Variants in AGBL1 observed in about 807,000 individuals in gnomAD.
AGBL1 encodes the protein AGBL carboxypeptidase 1.
Under a neutral mutation model 118.9 loss-of-function variants are expected in AGBL1, and 130 were observed. That is an observed-to-expected ratio of 1.09 (90% confidence interval 0.95 to 1.26). AGBL1 has a LOEUF of 1.26. Among genes scored for constraint, AGBL1 ranks in the 50% most tolerant of loss-of-function variants. The pLI is 0.00. For missense variants in AGBL1, 1,584 were observed against 1,298.1 expected (o/e 1.22, Z -3.38); for synonymous variants, 555 against 478.9 (o/e 1.16, Z -2.08).
intron 22 of AGBL1, among the ~76,000 whole-genome samples, chr15:86,764,852 A>C (rs1324761295): frequency 6.6e-6 from 1 of 152,046 alleles, no homozygotes; most frequent in Non-Finnish European, 1.5e-5. Flanking sequence ...GTGAATGTAG[A>C]TTATACAGAA....
intron 18 of AGBL1, among the ~76,000 whole-genome samples, chr15:86,410,638 T>C (rs1206669606): frequency 6.6e-6 from 1 of 150,728 alleles, no homozygotes; most frequent in East Asian, 2.0e-4. Flanking sequence ...TTCTGATGCC[T>C]AAATTTCAGT....
chr15:86,800,733 G>A (rs1222104881), intron 22 of AGBL1, among the ~76,000 whole-genome samples: 1 of 152,108 alleles, frequency 6.6e-6, no homozygotes, highest in African/African-American at 2.4e-5. Context: ...ACAGTTTTGG[G>A]ATGCTGTATA....
At position 86,256,857 on chromosome 15, in the gene AGBL1, G is replaced by T. The variant is rs758282474; in HGVS notation, c.740G>T (p.Cys247Phe). 10 of 1,613,772 alleles carry T rather than the reference G, an allele frequency of 6.2e-6. No homozygotes were observed. In the East Asian group the frequency reaches 2.2e-4, roughly 36 times the overall value. Residue 247 changes from cysteine to phenylalanine, a missense_variant, in exon 8 of 23, where the codon TGC becomes TTC. Cys to Phe is a radical substitution (Grantham distance 205). Coordinates refer to ENST00000614907, the MANE Select transcript of AGBL1 (RefSeq NM_001386094.1). ...MEILFSTTQN[C>F]LDDKSMEPVI... is the part of the protein sequence containing the mutation. ...TATAATCTTCCCTTTGCTCAGAACT[G>T]CCTGGATGACAAGAGCATGGAGCCC...
chr15:86,312,445 C>G (rs1420857071), intron 17 of AGBL1: 1 of 152,170 alleles, frequency 6.6e-6, no homozygotes, highest in Non-Finnish European at 1.5e-5. Context: ...TTAACTGCCC[C>G]AAATGTGATA....
intron 22 of AGBL1, among the ~76,000 whole-genome samples, chr15:86,870,526 C>A (rs2079711841): frequency 7.0e-6 from 1 of 143,096 alleles, no homozygotes; most frequent in Admixed American, 7.1e-5. Context: ...AAGCCCTTTC[C>A]CTTTGGCATT....
intron 22 of AGBL1, among the ~76,000 whole-genome samples, chr15:86,780,786 C>G (rs1284356984): frequency 6.6e-6 from 1 of 151,694 alleles, no homozygotes; most frequent in African/African-American, 2.4e-5. Context: ...GCCTCAGTCT[C>G]AATCCCGAGT....
At chr15:86,545,519 A>G (rs947394158) in intron 19 of AGBL1, among the ~76,000 whole-genome samples, 1 of 152,000 alleles carries the variant, frequency 6.6e-6, no homozygotes, top group Admixed American at 6.6e-5. Context: ...CCTAGTACCC[A>G]TTAGTTATTT....
At chr15:86,136,802 C>G (rs2141627032) in intron 1 of AGBL1, among the ~76,000 whole-genome samples, 1 of 152,222 alleles carries the variant, frequency 6.6e-6, no homozygotes, top group South Asian at 2.1e-4. Context: ...AACAGGGACA[C>G]ATAGAAGATT....
intron 22 of AGBL1, among the ~76,000 whole-genome samples, chr15:86,812,035 CT>C (rs2078797435): frequency 6.6e-6 from 1 of 152,178 alleles, no homozygotes; most frequent in African/African-American, 2.4e-5. Flanking sequence ...CTTTAAAATA[CT>C]GTCAGATTAA....
At chr15:87,001,827 GT>G (rs1596727020) in intron 24 of AGBL1, among the ~76,000 whole-genome samples, 3 of 152,044 alleles carry the variant, frequency 2.0e-5, no homozygotes, top group African/African-American at 7.2e-5. Flanking sequence ...TGATGGGGTT[GT>G]TTTTTTCTTG....
chr15:87,017,454 T>G (rs2081618095), intron 24 of AGBL1, among the ~76,000 whole-genome samples: 1 of 152,054 alleles, frequency 6.6e-6, no homozygotes, highest in East Asian at 1.9e-4. Context: ...TTTGCTGTTT[T>G]GCAGCCTTCA....
chr15:86,678,125 T>C (rs1237292986), intron 22 of AGBL1, among the ~76,000 whole-genome samples: 1 of 152,192 alleles, frequency 6.6e-6, no homozygotes, highest in Non-Finnish European at 1.5e-5. Context: ...GTTATTTTTG[T>C]GGTGGGAACA....
chr15:86,310,432 C>T (rs1043066778), intron 17 of AGBL1, among the ~76,000 whole-genome samples: 1 of 151,996 alleles, frequency 6.6e-6, no homozygotes, highest in Non-Finnish European at 1.5e-5. Flanking sequence ...AGGCAGGCTT[C>T]CTGTTGGAGT....
chr15:86,397,681 A>C (rs2081389022), intron 18 of AGBL1, 135 bp downstream of exon 18: 2 of 781,124 alleles, frequency 2.6e-6, no homozygotes, highest in East Asian at 5.1e-5. Context: ...GTTTTCTGCT[A>C]CAAATAACAA....
At chr15:87,017,945 T>C (rs2141796012) in intron 24 of AGBL1, among the ~76,000 whole-genome samples, 1 of 152,232 alleles carries the variant, frequency 6.6e-6, no homozygotes, top group Middle Eastern at 3.4e-3. Flanking sequence ...AGTTTCGAGA[T>C]GAACATAACC....
chr15:86,742,484 G>T (rs1156563891), intron 22 of AGBL1, among the ~76,000 whole-genome samples: 1 of 152,168 alleles, frequency 6.6e-6, no homozygotes, highest in African/African-American at 2.4e-5. Context: ...TTAGCTTGTT[G>T]TTCCCATGGG....
intron 5 of AGBL1, among the ~76,000 whole-genome samples, chr15:86,208,616 T>C (rs2078036127): frequency 6.6e-6 from 1 of 152,206 alleles, no homozygotes; most frequent in African/African-American, 2.4e-5. Flanking sequence ...TAGAGGTGTT[T>C]ATAGTATTCT....
rs1366758860 is a variant in AGBL1 at position 86,397,551 on chromosome 15, G to C, written c.2555+5G>C. 1 of 1,600,082 alleles carries C rather than the reference G, an allele frequency of 6.2e-7. No homozygotes were observed. The highest frequency in any genetic ancestry group is 8.5e-7 in the Non-Finnish European group (1 of 1,172,204). On this transcript the variant is annotated splice_donor_5th_base_variant and intron_variant, in intron 18 of 22. Coordinates refer to ENST00000614907, the MANE Select transcript of AGBL1 (RefSeq NM_001386094.1). ...AGATGGTGTCATCAACGGCAAGTAT[G>C]TCAGGCACCTGGCTCAGCCAAACCC...
In AGBL1 at chr15:86,967,882, T is replaced by G. The variant is rs183216035; in HGVS notation, c.3222-20105T>G. Among the ~76,000 whole-genome samples, 318 of 152,212 alleles carry G rather than the reference T, an allele frequency of 2.1e-3. 1 individual carries two copies. The highest frequency in any genetic ancestry group is 7.3e-3 in the African/African-American group (305 of 41,556). ...GTGAAGAAAGTCATTGGTAGCTTGATGGGGATGGCATTGAATGTATAAATT... is the reference window on the plus strand; with the variant it reads ...GTGAAGAAAGTCATTGGTAGCTTGAGGGGGATGGCATTGAATGTATAAATT... On this transcript the variant is annotated intron_variant, in intron 23 of 24. Coordinates refer to the AGBL1 transcript ENST00000441037.
Sources: allele counts gnomAD v4.1 joint callset (sites outside exome capture counted in the v4.1 genomes callset), GRCh38; gene constraint gnomAD v4.1.1; transcripts MANE v1.5; gene names NCBI Gene and HGNC (gene_info 2026-07-23, HGNC 2026-07-21).